The following PCDH15 variants were observed in gnomAD, a reference collection of about 807,000 sequenced individuals.
The protein encoded by PCDH15 is protocadherin-15.
In PCDH15, 129 loss-of-function variants were observed where a neutral mutation model predicts 178.5. The observed-to-expected ratio is 0.72, with a 90% CI of 0.63 to 0.84. The LOEUF (loss-of-function observed/expected upper bound fraction) is 0.84. Among genes scored for constraint, PCDH15 ranks in the 40% least tolerant of loss-of-function variants. The pLI, the probability that PCDH15 is intolerant of heterozygous loss-of-function variation, is 0.00. For synonymous variants in PCDH15, 800 were observed against 732.0 expected (o/e 1.09, Z -1.50); for missense variants, 2,230 against 2,099.9 (o/e 1.06, Z -1.21).
At chr10:55,318,427 GA>G (rs1411703500) in intron 1 of PCDH15, among the ~76,000 whole-genome samples, 1 of 152,030 alleles carries the variant, frequency 6.6e-6, no homozygotes, top group Non-Finnish European at 1.5e-5. Flanking sequence ...TTTGAAAACT[GA>G]AAACTCAGAT....
chr10:54,398,550 CAAGACCA>C (rs1951534557), intron 3 of PCDH15, among the ~76,000 whole-genome samples: 1 of 151,946 alleles, frequency 6.6e-6, no homozygotes, highest in Non-Finnish European at 1.5e-5. Context: ...TAGAAAAGGT[CAAGACCA>C]CTTATGTGAT....
In PCDH15 at chr10:53,996,366, G is replaced by A. The variant is rs563377664; in HGVS notation, c.2752-601C>T. On this transcript the variant is annotated intron_variant, in intron 20 of 37. Transcript: ENST00000644397. ...ATGTTAATTTACTGAATTTTTTTCA[G>A]AGCAACTTATATGTATCTTATTTTT... is the stretch of plus-strand genomic sequence containing the variant. 5.3e-5 allele frequency among the ~76,000 whole-genome samples: 8 copies of A among 152,190 alleles called. No homozygotes were observed. The East Asian group carries it at 1.5e-3, about 29-fold the overall frequency.
At chr10:54,680,732 T>C (rs1422849313) in intron 1 of PCDH15, among the ~76,000 whole-genome samples, 1 of 152,194 alleles carries the variant, frequency 6.6e-6, no homozygotes, top group Non-Finnish European at 1.5e-5. Context: ...TCTTGCCTGC[T>C]GCCATGTAAG....
chr10:53,901,341 C>A (rs1329808142), intron 26 of PCDH15, among the ~76,000 whole-genome samples: 1 of 152,100 alleles, frequency 6.6e-6, no homozygotes, highest in Non-Finnish European at 1.5e-5. Context: ...GGGATCTGTT[C>A]AGGACAAAAA....
intron 2 of PCDH15, among the ~76,000 whole-genome samples, chr10:55,460,985 C>T (rs1839664315): frequency 6.6e-6 from 1 of 152,042 alleles, no homozygotes; most frequent in African/African-American, 2.4e-5. Flanking sequence ...GTATTCTACC[C>T]CAAACCACCT....
chr10:54,627,595 TTTG>T (rs2093592485), intron 2 of PCDH15, among the ~76,000 whole-genome samples: 2 of 152,306 alleles, frequency 1.3e-5, no homozygotes, highest in African/African-American at 4.8e-5. Flanking sequence ...ACTTCTTTCG[TTTG>T]TTAATTGTCC....
chr10:54,098,540 C>T lies in PCDH15; in HGVS notation c.1918-8477G>A, dbSNP rs145427132. Among the ~76,000 whole-genome samples, 27 of 152,144 alleles carry T rather than the reference C, an allele frequency of 1.8e-4. 1 individual carries two copies. In the South Asian group the frequency reaches 3.5e-3, roughly 20 times the overall value. On this transcript the variant is annotated intron_variant, in intron 15 of 37. Coordinates refer to ENST00000644397, the MANE Select transcript of PCDH15 (RefSeq NM_001384140.1). ...GCCCAATTATTCTTAGTTTTTATTG[C>T]CCAATACTAACTGTAACATTACCCT...
intron 2 of PCDH15, among the ~76,000 whole-genome samples, chr10:54,593,505 GCTCT>G (rs1453603273): frequency 2.6e-5 from 4 of 151,976 alleles, no homozygotes; most frequent in African/African-American, 7.3e-5. Flanking sequence ...TTATTTCTGG[GCTCT>G]CTGTTTTCTT....
At chr10:53,809,641 T>A in intron 37 of PCDH15, 1 of 1,193,188 alleles carries the variant, frequency 8.4e-7, no homozygotes. Flanking sequence ...AATCTGTGGG[T>A]GATAGCTTCA....
intron 2 of PCDH15, among the ~76,000 whole-genome samples, chr10:55,019,835 A>G (rs1222325746): frequency 6.6e-6 from 1 of 152,130 alleles, no homozygotes; most frequent in Non-Finnish European, 1.5e-5. Context: ...AAGTGGAATT[A>G]TTTCTGTTTC....
At chr10:54,997,530 T>G (rs979152180) in intron 2 of PCDH15, among the ~76,000 whole-genome samples, 8 of 152,190 alleles carry the variant, frequency 5.3e-5, no homozygotes, top group African/African-American at 1.7e-4. Context: ...TTTTGAAATA[T>G]CAGAGTTCGG....
At chr10:54,563,020 G>T (rs1284560316) in intron 2 of PCDH15, among the ~76,000 whole-genome samples, 1 of 152,094 alleles carries the variant, frequency 6.6e-6, no homozygotes, top group African/African-American at 2.4e-5. Context: ...ATGTATAGGA[G>T]ATAAAAGATA....
chr10:53,880,526 CT>C (rs1244333635), intron 26 of PCDH15, among the ~76,000 whole-genome samples: 2 of 152,024 alleles, frequency 1.3e-5, no homozygotes, highest in African/African-American at 4.8e-5. Flanking sequence ...ATGTCGAATC[CT>C]CTGTAAATTC....
At chr10:55,058,113 A>T (rs550488240) in intron 2 of PCDH15, among the ~76,000 whole-genome samples, 1 of 152,344 alleles carries the variant, frequency 6.6e-6, no homozygotes, top group African/African-American at 2.4e-5. Context: ...TAGATACAAA[A>T]TAAAAATTAC....
At chr10:54,295,430 CT>C (rs1011284622) in intron 8 of PCDH15, among the ~76,000 whole-genome samples, 8 of 152,198 alleles carry the variant, frequency 5.3e-5, no homozygotes, top group African/African-American at 1.9e-4. Flanking sequence ...CCCTTCCATG[CT>C]GTGGAAGTTT....
chr10:54,688,612 T>C (rs1327788427), intron 1 of PCDH15, among the ~76,000 whole-genome samples: 1 of 152,146 alleles, frequency 6.6e-6, no homozygotes, highest in Non-Finnish European at 1.5e-5. Flanking sequence ...TATGCTTACA[T>C]AGGTTTTCTC....
chr10:53,895,354 A>G (rs555219327), intron 26 of PCDH15, among the ~76,000 whole-genome samples: 23 of 152,326 alleles, frequency 1.5e-4, no homozygotes, highest in African/African-American at 5.5e-4. Flanking sequence ...ATAAACAATC[A>G]GCCATTAAGT....
chr10:54,735,079 G>C (rs1323748428), intron 1 of PCDH15, among the ~76,000 whole-genome samples: 3 of 151,742 alleles, frequency 2.0e-5, no homozygotes, highest in African/African-American at 7.3e-5. Flanking sequence ...TAATACAACT[G>C]ACTTTTAAAA....
At chr10:55,536,764 T>G (rs1290554690) in intron 2 of PCDH15, among the ~76,000 whole-genome samples, 1 of 152,144 alleles carries the variant, frequency 6.6e-6, no homozygotes, top group African/African-American at 2.4e-5. Context: ...GAAATTCAAG[T>G]TGCCCAACAC....
Sources: gnomAD v4.1 joint callset for allele counts (sites outside exome capture counted in the v4.1 genomes callset) on GRCh38, gnomAD v4.1.1 for gene constraint, MANE v1.5 for transcripts, NCBI Gene and HGNC (gene_info 2026-07-23, HGNC 2026-07-21) for gene names.